Variants in RUNX1T1 observed in about 807,000 individuals in gnomAD.
The protein encoded by RUNX1T1 is RUNX1 partner transcriptional co-repressor 1.
In RUNX1T1, 4 loss-of-function variants were observed where a neutral mutation model predicts 62.8. That is an observed-to-expected ratio of 0.06 (90% confidence interval 0.03 to 0.15). The LOEUF is 0.15. RUNX1T1 is among the 10% of genes least tolerant of loss of function. RUNX1T1 has a pLI of 1.00. For missense variants in RUNX1T1, 508 were observed against 754.3 expected, an observed-to-expected ratio of 0.67 and a Z score of 3.82; for synonymous variants, 291 against 286.0, an observed-to-expected ratio of 1.02 and a Z score of -0.18.
At chr8:92,089,515 T>C (rs989984006) in intron 1 of RUNX1T1, among the ~76,000 whole-genome samples, 2 of 152,018 alleles carry the variant, frequency 1.3e-5, no homozygotes, top group Admixed American at 1.3e-4. Context: ...GAGTCCAAAC[T>C]TTGAGACCGG....
intron 1 of RUNX1T1, among the ~76,000 whole-genome samples, chr8:92,051,909 C>G (rs1830313251): frequency 6.6e-6 from 1 of 151,734 alleles, no homozygotes; most frequent in African/African-American, 2.4e-5. Flanking sequence ...AAAAAAAATC[C>G]TTTGCCTGTG....
At chr8:91,998,265 G>A (rs1006882663) in intron 5 of RUNX1T1, among the ~76,000 whole-genome samples, 11 of 152,250 alleles carry the variant, frequency 7.2e-5, no homozygotes, top group Admixed American at 1.3e-4. Context: ...ATTCCCCAGC[G>A]TCCTTAAAAA....
intron 8 of RUNX1T1, among the ~76,000 whole-genome samples, chr8:91,985,115 G>T (rs1432057692): frequency 2.0e-5 from 3 of 152,140 alleles, no homozygotes; most frequent in Non-Finnish European, 4.4e-5. Context: ...CCAAAATTAT[G>T]AACTTAATCT....
chr8:92,013,116 C>T (rs1040284725), intron 3 of RUNX1T1, among the ~76,000 whole-genome samples: 3 of 151,824 alleles, frequency 2.0e-5, no homozygotes, highest in African/African-American at 7.3e-5. Flanking sequence ...TTACTTGATA[C>T]AATTATTACT....
chr8:92,052,726 T>C (rs138686688), intron 1 of RUNX1T1, among the ~76,000 whole-genome samples: 189 of 152,294 alleles, frequency 1.2e-3, no homozygotes, highest in African/African-American at 4.1e-3. Flanking sequence ...TCTGACTCAG[T>C]AGGCTTGGGA....
chr8:91,965,186 A>AC (rs1811317900), intron 10 of RUNX1T1, among the ~76,000 whole-genome samples: 1 of 152,172 alleles, frequency 6.6e-6, no homozygotes, highest in Non-Finnish European at 1.5e-5. Flanking sequence ...ACCCATGGGC[A>AC]CTGACAGCTA....
In RUNX1T1 at chr8:92,060,922, TGAGAGA is replaced by T. The variant is rs56103756; in HGVS notation, c.7+1618_7+1623del. Among the ~76,000 whole-genome samples, 23 of 146,416 alleles carry T rather than the reference TGAGAGA, an allele frequency of 1.6e-4. No homozygotes were observed. In the South Asian group the frequency reaches 2.6e-3, roughly 17 times the overall value. On this transcript the variant is annotated intron_variant, in intron 1 of 10. Coordinates refer to ENST00000396218, the Ensembl canonical transcript of RUNX1T1. ...GTACAAGGTTTTCTAACACAGTTGA[TGAGAGA>T]GAGAGAGAGAGAGAGAGAGAGAAGC...
intron 1 of RUNX1T1, among the ~76,000 whole-genome samples, chr8:92,036,472 T>C (rs1298732128): frequency 6.6e-6 from 1 of 152,134 alleles, no homozygotes; most frequent in Non-Finnish European, 1.5e-5. Context: ...TTTTGGAATG[T>C]GATCAACACT....
At chr8:92,098,172 T>C (rs2130947819) in intron 1 of RUNX1T1, among the ~76,000 whole-genome samples, 1 of 152,224 alleles carries the variant, frequency 6.6e-6, no homozygotes, top group East Asian at 1.9e-4. Context: ...AATTCCAACA[T>C]ATGACCATTA....
At chr8:92,048,777 G>C (rs994609676) in intron 1 of RUNX1T1, among the ~76,000 whole-genome samples, 4 of 151,350 alleles carry the variant, frequency 2.6e-5, no homozygotes, top group Non-Finnish European at 5.9e-5. Context: ...TGAAAAACAT[G>C]TGAGAGAAAT....
upstream of RUNX1T1, among the ~76,000 whole-genome samples, chr8:92,100,727 A>T (rs957723532): frequency 6.6e-6 from 1 of 152,368 alleles, no homozygotes; most frequent in South Asian, 2.1e-4. Context: ...ATGAAATCAA[A>T]TAACCCTATC....
At chr8:91,970,622 T>C in intron 10 of RUNX1T1, 36 bp downstream of exon 11, 11 of 1,534,846 alleles carry the variant, frequency 7.2e-6, no homozygotes, top group Non-Finnish European at 9.7e-6. Flanking sequence ...GAATGAAAAC[T>C]ATCTTGTTTA....
chr8:92,087,873 A>T (rs1022111215), intron 1 of RUNX1T1, among the ~76,000 whole-genome samples: 4 of 152,110 alleles, frequency 2.6e-5, no homozygotes, highest in Admixed American at 6.6e-5. Context: ...ATTTTCCTCC[A>T]ATATTTTATA....
chr8:92,037,867 AT>A (rs1384804277), intron 1 of RUNX1T1, among the ~76,000 whole-genome samples: 1 of 152,066 alleles, frequency 6.6e-6, no homozygotes, highest in Non-Finnish European at 1.5e-5. Context: ...AACAATAAAT[AT>A]TTTTTAAGAC....
chr8:91,961,557 CGA>C (rs1810452329), intron 10 of RUNX1T1, among the ~76,000 whole-genome samples: 1 of 152,148 alleles, frequency 6.6e-6, no homozygotes, highest in Non-Finnish European at 1.5e-5. Flanking sequence ...AAATGCATCA[CGA>C]ATTAGAGCAC....
rs34547904 is a variant in RUNX1T1, at chr8:92,024,497, C to CAAA, written c.8-7137_8-7135dup. On this transcript the variant is annotated intron_variant, in intron 1 of 10. Transcript: ENST00000396218. ...GGGGTAACAGAGTGAAACCCCAACT[C>CAAA]AAAAAAAAAAAAAAAAAAAAAAAAA... Among the ~76,000 whole-genome samples the CAAA allele has an allele frequency of 1.2e-3, 21 of 17,546 alleles. 5 individuals carry two copies. The highest frequency in any genetic ancestry group is 2.5e-3 in the African/African-American group (14 of 5,614). 11.5% of individuals were successfully genotyped at this position (17,546 alleles called of 152,430 possible).
chr8:92,024,926 G>A (rs1042794107), intron 1 of RUNX1T1, among the ~76,000 whole-genome samples: 1 of 152,130 alleles, frequency 6.6e-6, no homozygotes, highest in African/African-American at 2.4e-5. Context: ...GCCATGTTTT[G>A]CAACCCCTGT....
At chr8:91,997,367 T>A (rs1048084085) in intron 5 of RUNX1T1, among the ~76,000 whole-genome samples, 1 of 152,140 alleles carries the variant, frequency 6.6e-6, no homozygotes, top group Non-Finnish European at 1.5e-5. Context: ...ACATTTTTTT[T>A]AATGTGAGGA....
At chr8:92,037,176 T>C (rs997473136) in intron 1 of RUNX1T1, among the ~76,000 whole-genome samples, 4 of 152,182 alleles carry the variant, frequency 2.6e-5, no homozygotes, top group Non-Finnish European at 5.9e-5. Flanking sequence ...TTCTCATCAA[T>C]GTGTAAATTT....
Sources: gnomAD v4.1 joint callset for allele counts (sites outside exome capture counted in the v4.1 genomes callset) on GRCh38, gnomAD v4.1.1 for gene constraint, MANE v1.5 for transcripts, NCBI Gene and HGNC (gene_info 2026-07-23, HGNC 2026-07-21) for gene names.